Variants in SPG11 observed in about 807,000 individuals in gnomAD.
The protein encoded by SPG11 is spatacsin.
A neutral mutation model predicts 274.0 loss-of-function variants in SPG11; 222 were observed. The ratio of observed to expected loss-of-function variants is 0.81; its 90% CI spans 0.73 to 0.91. The LOEUF is 0.91. SPG11 is among the 40% of genes least tolerant of loss of function. The pLI, the probability that SPG11 is intolerant of heterozygous loss-of-function variation, is 0.00. For missense variants in SPG11, 3,114 were observed against 2,872.7 expected, an observed-to-expected ratio of 1.08 and a Z score of -1.92; for synonymous variants, 1,144 against 1,039.7, an observed-to-expected ratio of 1.10 and a Z score of -1.93.
intron 31 of SPG11, among the ~76,000 whole-genome samples, 154 bp downstream of exon 31, chr15:44,574,748 A>G (rs1176532906): frequency 6.6e-6 from 1 of 152,082 alleles, no homozygotes; most frequent in African/African-American, 2.4e-5. Flanking sequence ...CCATTCCCCA[A>G]AGATAAAATT....
intron 3 of SPG11, 32 bp downstream of exon 3, chr15:44,659,047 G>A (rs375102370): frequency 3.8e-6 from 6 of 1,595,674 alleles, no homozygotes; most frequent in African/African-American, 2.7e-5. Context: ...TCTCCTCTAC[G>A]TATCAATCAA....
chr15:44,659,381 T>A, intron 2 of SPG11, 78 bp from the exon 3 acceptor site: 1 of 1,288,414 alleles, frequency 7.8e-7, no homozygotes, highest in Non-Finnish European at 1.1e-6. Context: ...ATAAACCTAA[T>A]ACAAAAAAGT....
At chr15:44,614,083 G>T (rs1257725281) in intron 16 of SPG11, among the ~76,000 whole-genome samples, 2 of 152,126 alleles carry the variant, frequency 1.3e-5, no homozygotes, top group African/African-American at 4.8e-5. Context: ...CTACAGAGAG[G>T]TTACAACTGA....
intron 20 of SPG11, among the ~76,000 whole-genome samples, chr15:44,601,738 C>G (rs1013969048): frequency 2.0e-5 from 3 of 149,740 alleles, no homozygotes; most frequent in African/African-American, 7.6e-5. Context: ...TTTGTACTTA[C>G]AGTAGAGACG....
intron 20 of SPG11, among the ~76,000 whole-genome samples, chr15:44,602,032 G>GTA (rs2083204703): frequency 6.6e-6 from 1 of 152,136 alleles, no homozygotes; most frequent in South Asian, 2.1e-4. Flanking sequence ...TTTGCTGTTG[G>GTA]TATATAGAAA....
chr15:44,642,443 T>TAC (rs200397260), intron 7 of SPG11, among the ~76,000 whole-genome samples: 17 of 148,498 alleles, frequency 1.1e-4, no homozygotes, highest in African/African-American at 2.0e-4. Flanking sequence ...ATTATATATA[T>TAC]ACACACACAC....
intron 19 of SPG11, 75 bp downstream of exon 19, chr15:44,608,369 G>A (rs1413216381): frequency 6.7e-7 from 1 of 1,502,518 alleles, no homozygotes; most frequent in Non-Finnish European, 9.2e-7. Flanking sequence ...CCCTCCGGTT[G>A]AAAGATCTAG....
At chr15:44,632,586 C>T (rs2084102573) in intron 8 of SPG11, among the ~76,000 whole-genome samples, 1 of 151,480 alleles carries the variant, frequency 6.6e-6, no homozygotes, top group Admixed American at 6.6e-5. Flanking sequence ...TCATAGATCA[C>T]TGCAGCCTAG....
chr15:44,595,532 T>A, intron 25 of SPG11, 73 bp from the exon 26 acceptor site: 1 of 1,479,528 alleles, frequency 6.8e-7, no homozygotes, highest in Admixed American at 1.8e-5. Flanking sequence ...CAGATGGATA[T>A]TTCCTGTTTA....
chr15:44,655,956 C>T (rs1218491805), intron 4 of SPG11, among the ~76,000 whole-genome samples: 1 of 152,018 alleles, frequency 6.6e-6, no homozygotes, highest in African/African-American at 2.4e-5. Context: ...GTAATATTTC[C>T]GGAACACAAC....
intron 7 of SPG11, among the ~76,000 whole-genome samples, chr15:44,641,862 C>T (rs951415565): frequency 3.4e-5 from 5 of 147,302 alleles, no homozygotes; most frequent in African/African-American, 7.5e-5. Context: ...ACCCTAGAGA[C>T]GCTCTTGCCC....
intron 27 of SPG11, 72 bp downstream of exon 27, chr15:44,592,259 C>T (rs1457505910): frequency 3.2e-6 from 3 of 942,264 alleles, no homozygotes; most frequent in African/African-American, 3.2e-5. Flanking sequence ...AGTCTTTAAA[C>T]AAAAACAAAA....
chr15:44,573,406 T>C (rs1304433330), intron 32 of SPG11, 141 bp downstream of exon 32: 8 of 871,604 alleles, frequency 9.2e-6, no homozygotes, highest in Non-Finnish European at 1.5e-5. Flanking sequence ...TTTTGTTTTA[T>C]TTAAACAAAA....
intron 35 of SPG11, among the ~76,000 whole-genome samples, chr15:44,569,151 C>T (rs895351756): frequency 2.1e-5 from 3 of 142,288 alleles, no homozygotes; most frequent in Non-Finnish European, 4.5e-5. Flanking sequence ...GAGAAACGAG[C>T]GAAACTCCGT....
intron 20 of SPG11, among the ~76,000 whole-genome samples, chr15:44,605,384 T>C (rs2083292948): frequency 6.6e-6 from 1 of 152,178 alleles, no homozygotes; most frequent in Non-Finnish European, 1.5e-5. Context: ...TCAATAGATA[T>C]TGGGTACATA....
At chr15:44,565,314 G>C (rs1361750569) in intron 38 of SPG11, among the ~76,000 whole-genome samples, 1 of 152,220 alleles carries the variant, frequency 6.6e-6, no homozygotes, top group Non-Finnish European at 1.5e-5. Context: ...ATCAGTGACA[G>C]GTTCCCTGGA....
chr15:44,589,662 T>C (rs1480253970), intron 27 of SPG11, among the ~76,000 whole-genome samples: 1 of 152,202 alleles, frequency 6.6e-6, no homozygotes, highest in Non-Finnish European at 1.5e-5. Flanking sequence ...TAGAGCTGCA[T>C]GTGTGAAAAA....
intron 20 of SPG11, among the ~76,000 whole-genome samples, chr15:44,601,937 C>A (rs1459077767): frequency 1.3e-5 from 2 of 152,122 alleles, no homozygotes; most frequent in Non-Finnish European, 2.9e-5. Flanking sequence ...TCTTTGACCT[C>A]TTTGATTAAA....
chr15:44,608,345 C>T, intron 19 of SPG11, 99 bp downstream of exon 19: 1 of 1,289,440 alleles, frequency 7.8e-7, no homozygotes, highest in Admixed American at 1.8e-5. Flanking sequence ...GTAAGTAATT[C>T]CCTACATTAA....
Sources: allele counts gnomAD v4.1 joint callset (sites outside exome capture counted in the v4.1 genomes callset), GRCh38; gene constraint gnomAD v4.1.1; transcripts MANE v1.5; gene names NCBI Gene and HGNC (gene_info 2026-07-23, HGNC 2026-07-21).